SLC28A1: variants seen among roughly 807,000 people sequenced by gnomAD.
The protein encoded by SLC28A1 is solute carrier family 28 member 1.
In SLC28A1, 64 loss-of-function variants were observed where a neutral mutation model predicts 74.8. The observed-to-expected ratio is 0.86, with a 90% confidence interval of 0.70 to 1.05. SLC28A1 has a LOEUF of 1.05. SLC28A1 is among the 50% of genes least tolerant of loss of function. SLC28A1 has a pLI of 0.00. For missense variants in SLC28A1, 828 were observed against 822.8 expected (o/e 1.01, Z -0.08); for synonymous variants, 359 against 335.0 (o/e 1.07, Z -0.78).
intron 11 of SLC28A1, among the ~76,000 whole-genome samples, chr15:84,922,198 A>G (rs1969910832): frequency 6.6e-6 from 1 of 152,136 alleles, no homozygotes; most frequent in South Asian, 2.1e-4. Context: ...TAAACACTTT[A>G]AATGTCTCTC....
At chr15:84,910,327 C>G (rs943457932) in intron 9 of SLC28A1, among the ~76,000 whole-genome samples, 2 of 152,326 alleles carry the variant, frequency 1.3e-5, no homozygotes, top group South Asian at 2.1e-4. Context: ...TTTGCATAAC[C>G]AATGCGGGGG....
intron 5 of SLC28A1, among the ~76,000 whole-genome samples, chr15:84,892,850 G>T (rs571940280): frequency 2.0e-5 from 3 of 152,306 alleles, no homozygotes; most frequent in Admixed American, 1.3e-4. Flanking sequence ...GGTGTCCCCA[G>T]TCTTAGAAGA....
At chr15:84,952,008 C>T in the SLC28A1 span, among the ~76,000 whole-genome samples, 17 of 152,138 alleles carry the variant, frequency 1.1e-4, no homozygotes, top group Non-Finnish European at 2.5e-4. Context: ...GGCAGAGGTC[C>T]ATGTGCTGTG....
At chr15:84,959,357 G>C in the SLC28A1 span, among the ~76,000 whole-genome samples, 1 of 151,722 alleles carries the variant, frequency 6.6e-6, no homozygotes, top group African/African-American at 2.4e-5. Context: ...TGCCCACCTC[G>C]GTCTTCCAAA....
chr15:84,974,489 T>C, the SLC28A1 span, among the ~76,000 whole-genome samples: 2 of 152,214 alleles, frequency 1.3e-5, no homozygotes, highest in Non-Finnish European at 2.9e-5. Context: ...ACGATGCTAA[T>C]GCCAACCTGG....
intron 4 of SLC28A1, among the ~76,000 whole-genome samples, chr15:84,889,970 G>A: frequency 6.6e-6 from 1 of 151,546 alleles, no homozygotes; most frequent in East Asian, 1.9e-4. Flanking sequence ...TGAGCAGCTG[G>A]GATTACAGGC....
At chr15:84,897,629 T>G (rs538213313) in intron 6 of SLC28A1, among the ~76,000 whole-genome samples, 52 of 149,736 alleles carry the variant, frequency 3.5e-4, no homozygotes, top group African/African-American at 1.3e-3. Flanking sequence ...TTGTCTTTCT[T>G]TATGTTAGAA....
At chr15:84,934,465 A>G (rs75039940) in intron 13 of SLC28A1, among the ~76,000 whole-genome samples, 11,428 of 152,262 alleles carry the variant, frequency 0.075, 443 homozygotes, top group African/African-American at 0.076. Context: ...GGTAACTTTT[A>G]AACCTTAAAC....
chr15:84,933,035 A>C, intron 12 of SLC28A1, 110 bp from the exon 13 acceptor site: 1 of 1,004,782 alleles, frequency 1.0e-6, no homozygotes. Context: ...CAATGAGGAC[A>C]TATCAGTGGG....
chr15:84,905,503 G>A, intron 7 of SLC28A1, 36 bp from the exon 8 acceptor site: 1 of 1,451,854 alleles, frequency 6.9e-7, no homozygotes, highest in Non-Finnish European at 9.7e-7. Context: ...ATCCCTCAAG[G>A]AACTGAACTC....
At chr15:84,957,357 C>T in the SLC28A1 span, among the ~76,000 whole-genome samples, 2 of 152,200 alleles carry the variant, frequency 1.3e-5, no homozygotes, top group Non-Finnish European at 2.9e-5. Flanking sequence ...ACCTCTGCCT[C>T]CTGGGTTCAA....
At chr15:84,962,912 C>A in the SLC28A1 span, among the ~76,000 whole-genome samples, 102 of 152,268 alleles carry the variant, frequency 6.7e-4, no homozygotes, top group African/African-American at 2.3e-3. Flanking sequence ...GCTTTCGCCC[C>A]TCCCTCACAA....
intron 11 of SLC28A1, among the ~76,000 whole-genome samples, 168 bp downstream of exon 11, chr15:84,921,237 G>A (rs1038975428): frequency 9.2e-5 from 14 of 152,146 alleles, no homozygotes; most frequent in Admixed American, 7.9e-4. Flanking sequence ...GGGGATGCCT[G>A]GGTCATGCCA....
the SLC28A1 span, among the ~76,000 whole-genome samples, chr15:84,963,723 G>A: frequency 6.6e-6 from 1 of 152,206 alleles, no homozygotes; most frequent in Non-Finnish European, 1.5e-5. Context: ...GCCATGCAGA[G>A]CAAGTGGGTG....
At chr15:84,931,065 C>T (rs772614228) in intron 12 of SLC28A1, among the ~76,000 whole-genome samples, 12 of 152,088 alleles carry the variant, frequency 7.9e-5, no homozygotes, top group Non-Finnish European at 1.6e-4. Flanking sequence ...GCCCCACGCC[C>T]GGCCTAATTT....
At chr15:84,942,510 A>G (rs1418087087) in intron 15 of SLC28A1, among the ~76,000 whole-genome samples, 1 of 152,208 alleles carries the variant, frequency 6.6e-6, no homozygotes, top group Admixed American at 6.5e-5. Context: ...TTGTGTTTGA[A>G]CACTTACTGT....
intron 8 of SLC28A1, among the ~76,000 whole-genome samples, chr15:84,908,310 A>G (rs1330913112): frequency 1.3e-5 from 2 of 149,440 alleles, no homozygotes; most frequent in South Asian, 2.1e-4. Flanking sequence ...CAGCCTCCCA[A>G]GTAGCTGGGA....
intron 8 of SLC28A1, among the ~76,000 whole-genome samples, chr15:84,906,798 A>G (rs1967322181): frequency 1.3e-5 from 2 of 152,074 alleles, no homozygotes; most frequent in South Asian, 4.1e-4. Context: ...AAAATCAACC[A>G]TTTTAACCCC....
intron 1 of SLC28A1, 139 bp from the exon 2 acceptor site, chr15:84,886,533 A>G: frequency 1.0e-5 from 10 of 985,676 alleles, no homozygotes; most frequent in Non-Finnish European, 1.2e-5. Context: ...GCAGGGAGCC[A>G]GGTTGCAAGT....
Sources: allele counts gnomAD v4.1 joint callset (sites outside exome capture counted in the v4.1 genomes callset), GRCh38; gene constraint gnomAD v4.1.1; transcripts MANE v1.5; gene names NCBI Gene and HGNC (gene_info 2026-07-23, HGNC 2026-07-21).